Variants in RSRC1 observed in about 807,000 individuals in gnomAD.
The protein encoded by RSRC1 is arginine and serine rich coiled-coil 1, also known as serine/Arginine-related protein 53.
A neutral mutation model predicts 49.1 loss-of-function variants in RSRC1; 39 were observed. The ratio of observed to expected loss-of-function variants is 0.79; its 90% CI spans 0.61 to 1.04. The LOEUF is 1.04. RSRC1 is among the 50% of genes least tolerant of loss of function. RSRC1 has a pLI of 0.00. For synonymous variants in RSRC1, 143 were observed against 130.8 expected, an observed-to-expected ratio of 1.09 and a Z score of -0.63; for missense variants, 388 against 402.4, an observed-to-expected ratio of 0.96 and a Z score of 0.31.
At chr3:158,129,504 T>A (rs1313820249) in intron 3 of RSRC1, among the ~76,000 whole-genome samples, 1 of 152,082 alleles carries the variant, frequency 6.6e-6, no homozygotes, top group Non-Finnish European at 1.5e-5. Flanking sequence ...TTGGCCAGGC[T>A]GGTCTTGAAC....
intron 7 of RSRC1, among the ~76,000 whole-genome samples, chr3:158,487,946 C>CAAAAAAAA (rs1303656428): frequency 1.6e-3 from 18 of 11,478 alleles, no homozygotes; most frequent in South Asian, 4.3e-3. Flanking sequence ...GACTCCATCT[C>CAAAAAAAA]AAGAAAAAAA....
At chr3:158,384,138 G>A (rs990211585) in intron 6 of RSRC1, among the ~76,000 whole-genome samples, 1 of 152,072 alleles carries the variant, frequency 6.6e-6, no homozygotes, top group African/African-American at 2.4e-5. Context: ...CAAAACTTGG[G>A]ACTCAAGGTC....
At chr3:158,399,939 A>G (rs1435492053) in intron 6 of RSRC1, among the ~76,000 whole-genome samples, 1 of 152,140 alleles carries the variant, frequency 6.6e-6, no homozygotes, top group African/African-American at 2.4e-5. Context: ...TTCCTCAAAA[A>G]TAGAGTAAGA....
intron 3 of RSRC1, among the ~76,000 whole-genome samples, chr3:158,163,572 C>T (rs925896269): frequency 6.6e-6 from 1 of 151,946 alleles, no homozygotes; most frequent in Non-Finnish European, 1.5e-5. Flanking sequence ...AGCTTGGTAC[C>T]TGTGTTGTGT....
chr3:158,137,990 T>C, intron 3 of RSRC1, among the ~76,000 whole-genome samples: 1 of 152,094 alleles, frequency 6.6e-6, no homozygotes, highest in African/African-American at 2.4e-5. Context: ...AGACGTTTTT[T>C]CTCAGGTTTT....
intron 4 of RSRC1, among the ~76,000 whole-genome samples, chr3:158,258,338 GT>G (rs1175791024): frequency 5.1e-5 from 7 of 136,264 alleles, no homozygotes; most frequent in Non-Finnish European, 6.2e-5. Context: ...TAGGATAAAA[GT>G]TTTTTTTTTG....
intron 6 of RSRC1, among the ~76,000 whole-genome samples, chr3:158,385,125 AT>A (rs1050592678): frequency 1.3e-5 from 2 of 152,168 alleles, no homozygotes; most frequent in Admixed American, 6.5e-5. Flanking sequence ...CACTGAAATC[AT>A]TTAGTCAGAA....
intron 4 of RSRC1, among the ~76,000 whole-genome samples, chr3:158,268,207 A>G (rs1725311787): frequency 6.6e-6 from 1 of 152,118 alleles, no homozygotes; most frequent in African/African-American, 2.4e-5. Context: ...CAGATACTTC[A>G]AGTTCATTCT....
intron 4 of RSRC1, among the ~76,000 whole-genome samples, chr3:158,212,902 G>A (rs757918485): frequency 6.6e-5 from 10 of 151,886 alleles, no homozygotes; most frequent in Non-Finnish European, 1.3e-4. Context: ...CCAAATAGAA[G>A]CAGTCTGCTG....
chr3:158,439,610 A>G (rs1736261111), intron 6 of RSRC1, among the ~76,000 whole-genome samples: 1 of 152,152 alleles, frequency 6.6e-6, no homozygotes, highest in African/African-American at 2.4e-5. Context: ...TGGGAGTTGA[A>G]CAATGAGAAC....
rs368331498 is a variant in RSRC1 at position 158,526,614 on chromosome 3, C to G, written c.653-10478C>G. 2.0e-4 allele frequency among the ~76,000 whole-genome samples: 30 copies of G among 152,098 alleles called. 1 individual carries two copies. In the East Asian group the frequency reaches 3.9e-3, roughly 20 times the overall value. ...CAGAAATCTCCAACACCTAGCCTAGCACCTGGCATAAATACATGTTAACTA... is the reference window on the plus strand; with the variant it reads ...CAGAAATCTCCAACACCTAGCCTAGGACCTGGCATAAATACATGTTAACTA... On this transcript the variant is annotated intron_variant, in intron 7 of 9. Coordinates refer to ENST00000611884, the MANE Select transcript of RSRC1 (RefSeq NM_001271838.2).
chr3:158,388,359 G>A (rs1030502699), intron 6 of RSRC1, among the ~76,000 whole-genome samples: 1 of 151,918 alleles, frequency 6.6e-6, no homozygotes, highest in African/African-American at 2.4e-5. Flanking sequence ...TTTATGTTGT[G>A]TGTACTGTAA....
At chr3:158,249,929 C>G (rs931488574) in intron 4 of RSRC1, among the ~76,000 whole-genome samples, 34 of 152,218 alleles carry the variant, frequency 2.2e-4, no homozygotes, top group African/African-American at 8.2e-4. Flanking sequence ...ATCTATATTT[C>G]TGTACCCACT....
intron 6 of RSRC1, among the ~76,000 whole-genome samples, chr3:158,439,384 A>G (rs931682381): frequency 3.9e-5 from 6 of 152,274 alleles, no homozygotes; most frequent in African/African-American, 1.2e-4. Flanking sequence ...TTGCGGCACT[A>G]TTCACAATAG....
At chr3:158,325,284 C>T (rs558823136) in intron 5 of RSRC1, among the ~76,000 whole-genome samples, 9 of 152,210 alleles carry the variant, frequency 5.9e-5, no homozygotes, top group African/African-American at 1.9e-4. Context: ...TTTGGTGTTT[C>T]AGACATGAAG....
intron 5 of RSRC1, among the ~76,000 whole-genome samples, chr3:158,351,228 G>T (rs570455486): frequency 3.2e-4 from 48 of 152,234 alleles, no homozygotes; most frequent in African/African-American, 1.2e-3. Flanking sequence ...AGAAACAATG[G>T]AAGGGAGCCC....
chr3:158,387,791 G>A lies in RSRC1; in HGVS notation c.583+32883G>A, dbSNP rs576799393. Reference sequence around the variant, plus strand: ...CTTCTTGTATCATTATTTTTAAAACGTTTGCTTTAAAAAGAAATCATAGTT... The same window carrying A: ...CTTCTTGTATCATTATTTTTAAAACATTTGCTTTAAAAAGAAATCATAGTT... On this transcript the variant is annotated intron_variant, in intron 6 of 9. Transcript: ENST00000611884. Among the ~76,000 whole-genome samples the A allele has an allele frequency of 1.8e-4, 27 of 152,114 alleles. No individual in the cohort carries two copies. In the East Asian group the frequency reaches 4.6e-3, roughly 26 times the overall value.
At chr3:158,541,153 C>G (rs575732704) in intron 8 of RSRC1, among the ~76,000 whole-genome samples, 1 of 152,038 alleles carries the variant, frequency 6.6e-6, no homozygotes, top group East Asian at 1.9e-4. Context: ...ACACCAAGCC[C>G]TTCTCTCTCA....
intron 7 of RSRC1, among the ~76,000 whole-genome samples, chr3:158,463,336 A>G (rs1338203705): frequency 1.3e-5 from 2 of 152,094 alleles, no homozygotes; most frequent in Non-Finnish European, 2.9e-5. Context: ...ATGCTATCAA[A>G]TTAACAGTTC....
Sources: allele counts gnomAD v4.1 joint callset (sites outside exome capture counted in the v4.1 genomes callset), GRCh38; gene constraint gnomAD v4.1.1; transcripts MANE v1.5; gene names NCBI Gene and HGNC (gene_info 2026-07-23, HGNC 2026-07-21).